Variants in RALY observed in about 807,000 individuals in gnomAD.
The protein encoded by RALY is RNA-binding protein Raly.
A neutral mutation model predicts 30.7 loss-of-function variants in RALY; 15 were observed. That is an observed-to-expected ratio of 0.49 (90% CI 0.33 to 0.75). The LOEUF (loss-of-function observed/expected upper bound fraction) is 0.75. Among genes scored for constraint, RALY ranks in the 30% least tolerant of loss-of-function variants. RALY has a pLI of 0.02. For missense variants in RALY, 339 were observed against 414.3 expected, an observed-to-expected ratio of 0.82 and a Z score of 1.58; for synonymous variants, 177 against 170.8, an observed-to-expected ratio of 1.04 and a Z score of -0.28.
chr20:34,040,047 G>A (rs930197732), intron 2 of RALY, among the ~76,000 whole-genome samples: 1 of 152,052 alleles, frequency 6.6e-6, no homozygotes, highest in African/African-American at 2.4e-5. Context: ...GGAGGCGGAG[G>A]TTGCAGTGAG....
chr20:33,998,943 G>A (rs1052529942), intron 1 of RALY, among the ~76,000 whole-genome samples: 1 of 151,768 alleles, frequency 6.6e-6, no homozygotes. Context: ...CCTGGCCAAC[G>A]TGGTGAAACC....
chr20:34,082,224 A>G lies in RALY; in HGVS notation c.*2319A>G, dbSNP rs556231471. On this transcript the variant is annotated 3_prime_UTR_variant, in exon 10 of 10. Transcript: ENST00000246194. ...AGCCAGCTATAACAGACCCATTTCA[A>G]TACCCTGGCAAGTCATTACTGCCCT... 6.6e-6 allele frequency: 1 copy of G among 152,304 alleles called. No individual in the cohort carries two copies. Among genetic ancestry groups the G allele is most frequent in the East Asian group, 1.9e-4 (1 of 5,172 alleles). 9.4% of individuals were successfully genotyped at this position (152,304 alleles called of 1,614,324 possible).
intron 1 of RALY, among the ~76,000 whole-genome samples, chr20:33,999,023 G>T (rs2030777516): frequency 6.6e-6 from 1 of 151,748 alleles, no homozygotes; most frequent in Non-Finnish European, 1.5e-5. Flanking sequence ...CCAGCTATGT[G>T]GGAGGCTAAG....
intron 8 of RALY, 86 bp downstream of exon 8, chr20:34,077,331 G>C: frequency 1.3e-6 from 2 of 1,575,630 alleles, no homozygotes; most frequent in Non-Finnish European, 1.7e-6. Context: ...GCCTGAGCTG[G>C]TTGCCCCCAC....
chr20:34,026,029 T>C (rs972771119), intron 1 of RALY, among the ~76,000 whole-genome samples: 3 of 149,578 alleles, frequency 2.0e-5, no homozygotes, highest in African/African-American at 7.4e-5. Context: ...AGGAACGATA[T>C]ACTCCCAAGG....
intron 1 of RALY, among the ~76,000 whole-genome samples, chr20:34,014,648 G>A (rs1439301243): frequency 1.3e-5 from 2 of 152,044 alleles, no homozygotes; most frequent in Admixed American, 1.3e-4. Flanking sequence ...CTTAGCTCTT[G>A]AAACTATTGT....
intron 2 of RALY, among the ~76,000 whole-genome samples, chr20:34,063,170 A>G (rs758713185): frequency 6.6e-6 from 1 of 152,206 alleles, no homozygotes; most frequent in Non-Finnish European, 1.5e-5. Flanking sequence ...TATCATCACT[A>G]TCTCATAGCA....
chr20:34,050,319 T>A (rs1601472294), intron 2 of RALY, among the ~76,000 whole-genome samples: 1 of 152,220 alleles, frequency 6.6e-6, no homozygotes, highest in African/African-American at 2.4e-5. Flanking sequence ...ATATAACCCA[T>A]GTGCCAGAGA....
intron 2 of RALY, among the ~76,000 whole-genome samples, chr20:34,056,788 C>T (rs951165923): frequency 6.6e-6 from 1 of 152,150 alleles, no homozygotes; most frequent in Non-Finnish European, 1.5e-5. Flanking sequence ...CATGGTGCTG[C>T]GAGGTTGCCA....
At chr20:34,006,320 T>G (rs542759286) in intron 1 of RALY, among the ~76,000 whole-genome samples, 2 of 152,334 alleles carry the variant, frequency 1.3e-5, no homozygotes, top group African/African-American at 4.8e-5. Flanking sequence ...TCCTTAAATA[T>G]TTCACAGTGT....
intron 1 of RALY, among the ~76,000 whole-genome samples, chr20:34,025,324 G>A (rs1186550524): frequency 6.8e-6 from 1 of 147,170 alleles, no homozygotes; most frequent in African/African-American, 2.5e-5. Context: ...TTTTTTTTAA[G>A]ACAATCTCAG....
chr20:34,072,959 T>TGTGTGAGA (rs142692706), intron 3 of RALY, among the ~76,000 whole-genome samples: 20 of 148,892 alleles, frequency 1.3e-4, no homozygotes, highest in African/African-American at 4.5e-4. Context: ...TGTGTGTGTG[T>TGTGTGAGA]GAGAGAGAGA....
intron 2 of RALY, among the ~76,000 whole-genome samples, chr20:34,066,816 A>G (rs1688184402): frequency 6.6e-6 from 1 of 151,996 alleles, no homozygotes; most frequent in South Asian, 2.1e-4. Context: ...TTCAACACAC[A>G]GATTTGGTGG....
At chr20:34,022,094 C>CTT (rs1193826286) in intron 1 of RALY, among the ~76,000 whole-genome samples, 42 of 135,142 alleles carry the variant, frequency 3.1e-4, no homozygotes, top group Admixed American at 2.3e-3. Flanking sequence ...TTCTTTCTTT[C>CTT]TTTTTTTTTT....
At chr20:34,059,015 T>C (rs2033339822) in intron 2 of RALY, among the ~76,000 whole-genome samples, 1 of 152,126 alleles carries the variant, frequency 6.6e-6, no homozygotes, top group Non-Finnish European at 1.5e-5. Context: ...TGGCTACAAC[T>C]GTGGCATCAT....
chr20:34,020,309 A>G (rs1376550240), intron 1 of RALY, among the ~76,000 whole-genome samples: 1 of 152,200 alleles, frequency 6.6e-6, no homozygotes, highest in African/African-American at 2.4e-5. Context: ...GACTTCTCCC[A>G]GGTGTTGGCA....
intron 1 of RALY, among the ~76,000 whole-genome samples, chr20:34,030,141 A>T (rs186277972): frequency 6.6e-6 from 1 of 152,170 alleles, no homozygotes; most frequent in South Asian, 2.1e-4. Context: ...ACAAGAGAAC[A>T]TGTTTCCTGC....
Position 34,049,661 on chromosome 20 carries a change from G to A in RALY, c.-10+18057G>A, listed in dbSNP as rs192013401. Reference sequence around the variant, plus strand: ...ATTGGCGTTTGTTTGGCATTTTGTGGATTTCAAAACACTTTTGACATCATT... The same window carrying A: ...ATTGGCGTTTGTTTGGCATTTTGTGAATTTCAAAACACTTTTGACATCATT... On this transcript the variant is annotated intron_variant, in intron 2 of 9. Coordinates refer to ENST00000246194, the MANE Select transcript of RALY (RefSeq NM_016732.3). Among the ~76,000 whole-genome samples the A allele has an allele frequency of 5.3e-5, 8 of 152,306 alleles. No individual in the cohort carries two copies. In the East Asian group the frequency reaches 1.5e-3, roughly 29 times the overall value.
In RALY at chr20:34,077,080, T is replaced by TGGC. The variant is rs1568700733; in HGVS notation, c.712_714dup (p.Gly238dup). 12 of 1,605,002 alleles carry TGGC rather than the reference T, an allele frequency of 7.5e-6. No homozygotes were observed. Among genetic ancestry groups the TGGC allele is most frequent in the Admixed American group, 1.7e-5 (1 of 59,150 alleles). ...GCGCCGGCGGCGGCGGCGGTGGTGG[T>TGGC]GGCAGCGGTGGCGGTGGCAGTGGTG... is the stretch of plus-strand genomic sequence containing the variant. On this transcript the variant is annotated inframe_insertion, in exon 8 of 10. Transcript: ENST00000246194.
Sources: gnomAD v4.1 joint callset for allele counts (sites outside exome capture counted in the v4.1 genomes callset) on GRCh38, gnomAD v4.1.1 for gene constraint, MANE v1.5 for transcripts, NCBI Gene and HGNC (gene_info 2026-07-23, HGNC 2026-07-21) for gene names.